ARHGAP23: variants seen among roughly 807,000 people sequenced by gnomAD.
ARHGAP23 encodes the protein rho GTPase-activating protein 23.
In ARHGAP23, 34 loss-of-function variants were observed where a neutral mutation model predicts 136.3. That is an observed-to-expected ratio of 0.25 (90% CI 0.19 to 0.33). The LOEUF (loss-of-function observed/expected upper bound fraction) is 0.33, where lower values mean the gene tolerates loss of function less well. Ranked by LOEUF, ARHGAP23 falls within the 10% of genes least tolerant of loss-of-function variation. ARHGAP23 has a pLI of 1.00. For missense variants in ARHGAP23, 1,808 were observed against 2,139.0 expected, an observed-to-expected ratio of 0.85 and a Z score of 3.05; for synonymous variants, 832 against 920.5, an observed-to-expected ratio of 0.90 and a Z score of 1.74.
chr17:38,462,794 TG>T, intron 3 of ARHGAP23, 51 bp from the exon 4 acceptor site: 1 of 1,308,300 alleles, frequency 7.6e-7, no homozygotes, highest in Non-Finnish European at 1.0e-6. Flanking sequence ...TAGCTGTGCA[TG>T]GGTGTGACCT....
At position 38,505,199 on chromosome 17, in the gene ARHGAP23, G is replaced by A. The variant is rs1314822741; in HGVS notation, c.3447+4571G>A. On this transcript the variant is annotated intron_variant, in intron 23 of 23. Transcript: ENST00000622683. The stretch of plus-strand genomic sequence containing the variant: ...TTTTTGTATTATTTTGTAGAAATGG[G>A]GTCTTGCTTCTTTGCGTAGGCTGTT... 2.0e-5 allele frequency among the ~76,000 whole-genome samples: 3 copies of A among 151,230 alleles called. No individual in the cohort carries two copies. The Admixed American group carries it at 2.0e-4, about 10-fold the overall frequency.
At position 38,488,939 on chromosome 17, in the gene ARHGAP23, G is replaced by A. The variant is rs192162962; in HGVS notation, c.2987-1163G>A. Among the ~76,000 whole-genome samples, 32 of 151,246 alleles carry A rather than the reference G, an allele frequency of 2.1e-4. 1 individual carries two copies. The highest frequency in any genetic ancestry group is 4.2e-4 in the South Asian group (2 of 4,774). On this transcript the variant is annotated intron_variant, in intron 17 of 23. Transcript: ENST00000622683. Reference sequence around the variant, plus strand: ...CATCCAGGCTGGAGTGCAGTGTTACGATCTCGGCTCACTGCAACCTCCGCC... The same window carrying A: ...CATCCAGGCTGGAGTGCAGTGTTACAATCTCGGCTCACTGCAACCTCCGCC...
chr17:38,482,131 C>T lies in ARHGAP23; in HGVS notation c.2739C>T (p.Ala913=). ...TCAGGCTGGAGGAGTGCCAGCCAGC[C>T]ACGGAGAACCAGGTGAGTCTCTGCC... ...FGVRLEECQP[A]TENQRVPLIV... Residue 913 remains alanine, a synonymous_variant, in exon 15 of 24, where the codon GCC becomes GCT. Coordinates refer to ENST00000622683, the MANE Select transcript of ARHGAP23 (RefSeq NM_001199417.2). 6.5e-7 allele frequency: 1 copy of T among 1,548,232 alleles called. No homozygotes were observed. The highest frequency in any genetic ancestry group is 8.7e-7 in the Non-Finnish European group (1 of 1,146,182).
chr17:38,423,177 T>G (rs774202560), intron 1 of ARHGAP23, among the ~76,000 whole-genome samples: 1 of 152,038 alleles, frequency 6.6e-6, no homozygotes, highest in Admixed American at 6.6e-5. Context: ...GCAGTTTGCA[T>G]GTACTAGGTG....
At chr17:38,492,483 A>C (rs1467748479) in intron 20 of ARHGAP23, among the ~76,000 whole-genome samples, 1 of 152,184 alleles carries the variant, frequency 6.6e-6, no homozygotes, top group African/African-American at 2.4e-5. Flanking sequence ...CAACTTGCTC[A>C]TGGTCACACA....
chr17:38,426,576 A>G (rs996751522), upstream of ARHGAP23, among the ~76,000 whole-genome samples: 2 of 145,190 alleles, frequency 1.4e-5, no homozygotes, highest in Non-Finnish European at 3.0e-5. Context: ...AAAAAAATCC[A>G]GGCAGTATGA....
In ARHGAP23 at chr17:38,464,572, T is replaced by A. The variant is rs527684530; in HGVS notation, c.483+1190T>A. ...ACCTCGATTGTCCCCTTGCTCTTCC[T>A]GGGGAGAGGGAGGAAGGAGGGGGGG... On this transcript the variant is annotated intron_variant, in intron 6 of 23. Transcript: ENST00000622683. 2.0e-5 allele frequency among the ~76,000 whole-genome samples: 3 copies of A among 152,276 alleles called. No homozygotes were observed. The East Asian group carries it at 5.8e-4, about 29-fold the overall frequency.
rs199766741 is a variant in ARHGAP23, at chr17:38,466,942, G to A, written c.1259G>A (p.Arg420Gln). 1,976 of 1,550,484 alleles carry A rather than the reference G, an allele frequency of 1.3e-3. 3 individuals are homozygous for A. The highest frequency in any genetic ancestry group is 4.2e-3 in the Middle Eastern group (25 of 5,992). Residue 420 changes from arginine to glutamine, a missense_variant, in exon 7 of 24, where the codon CGG becomes CAG. Coordinates refer to ENST00000622683, the MANE Select transcript of ARHGAP23 (RefSeq NM_001199417.2). ...GLDDLGYIGY[R>Q]SYSPSFQRRT... ...GATGACCTCGGGTACATCGGCTACC[G>A]GAGCTACAGCCCATCATTCCAGCGC...
chr17:38,510,858 G>A lies in ARHGAP23; in HGVS notation c.4362G>A (p.Lys1454=), dbSNP rs1363672042. 8 of 1,503,780 alleles carry A rather than the reference G, an allele frequency of 5.3e-6. No homozygotes were observed. Among genetic ancestry groups the A allele is most frequent in the Non-Finnish European group, 6.2e-6 (7 of 1,132,996 alleles). 93.2% of individuals were successfully genotyped at this position (1,503,780 alleles called of 1,614,324 possible). ...GACTCAGCAGCCTGGAGTCCACCAA[G>A]GCGCGGGCCCCGTCGTCCGCTGCCT... The part of the protein sequence containing the change: ...DSGLSSLEST[K]ARAPSSAASQ... Residue 1454 remains lysine, a synonymous_variant, in exon 24 of 24, where the codon AAG becomes AAA. Coordinates refer to ENST00000622683, the MANE Select transcript of ARHGAP23 (RefSeq NM_001199417.2). The surrounding 1 kb of genome is among the most constrained non-coding windows in gnomAD (Gnocchi z 4.6).
chr17:38,469,138 G>T lies in ARHGAP23; in HGVS notation c.1649-6G>T. 2 of 1,547,240 alleles carry T rather than the reference G, an allele frequency of 1.3e-6. No homozygotes were observed. The highest frequency in any genetic ancestry group is 1.2e-5 in the South Asian group (1 of 83,414). ...CCTTCACACCTTTCTCCTTCCACAT[G>T]CATAGATGAGCCCACCAGCCCCAGC... is the stretch of plus-strand genomic sequence containing the variant. On this transcript the variant is annotated splice_polypyrimidine_tract_variant and splice_region_variant and intron_variant, in intron 7 of 23. Coordinates refer to ENST00000622683, the MANE Select transcript of ARHGAP23 (RefSeq NM_001199417.2).
In ARHGAP23 at chr17:38,467,086, T is replaced by C; in HGVS notation, c.1403T>C (p.Val468Ala). Residue 468 changes from valine (V) to alanine (A), a missense_variant, in exon 7 of 24, where the codon GTT (valine) becomes GCT (alanine). Coordinates refer to ENST00000622683, the MANE Select transcript of ARHGAP23 (RefSeq NM_001199417.2). Reference protein sequence around the residue: ...FPPEASEPPRVVRPEPSTRAL... With the variant: ...FPPEASEPPRAVRPEPSTRAL... ...CCAGAGGCCTCCGAGCCACCCAGGG[T>C]TGTACGGCCGGAACCCAGCACCCGG... The C allele has an allele frequency of 1.3e-6, 2 of 1,550,816 alleles. No individual in the cohort carries two copies. The highest frequency in any genetic ancestry group is 1.7e-6 in the Non-Finnish European group (2 of 1,146,914).
chr17:38,468,805 G>C (rs996296789), intron 7 of ARHGAP23, among the ~76,000 whole-genome samples: 1 of 152,142 alleles, frequency 6.6e-6, no homozygotes, highest in Non-Finnish European at 1.5e-5. Context: ...GGTCTGAGAG[G>C]GGAGACATAA....
In ARHGAP23 at chr17:38,482,512, T is replaced by C. The variant is rs2040068934; in HGVS notation, c.2752-11T>C. 4 of 1,534,554 alleles carry C rather than the reference T, an allele frequency of 2.6e-6. No individual in the cohort carries two copies. Among genetic ancestry groups the C allele is most frequent in the African/African-American group, 1.4e-5 (1 of 72,886 alleles). Reference sequence around the variant, plus strand: ...CCTGTCCCCCCTAACACCCCTCCCATGTGTCCCCAGCGCGTCCCCTTAATC... The same window carrying C: ...CCTGTCCCCCCTAACACCCCTCCCACGTGTCCCCAGCGCGTCCCCTTAATC... On this transcript the variant is annotated splice_polypyrimidine_tract_variant and intron_variant, in intron 15 of 23. Transcript: ENST00000622683.
intron 10 of ARHGAP23, among the ~76,000 whole-genome samples, chr17:38,470,465 G>A (rs2039724420): frequency 6.6e-6 from 1 of 152,240 alleles, no homozygotes; most frequent in South Asian, 2.1e-4. Context: ...GGGACACAGG[G>A]TTGAGACTGG....
chr17:38,429,060 G>A (rs1037196994), intron 1 of ARHGAP23, among the ~76,000 whole-genome samples: 4 of 152,220 alleles, frequency 2.6e-5, no homozygotes, highest in Admixed American at 6.5e-5. Context: ...CCCCTGCCGG[G>A]TCGGACTGCG....
At chr17:38,480,669 T>C (rs1372574360) in intron 14 of ARHGAP23, among the ~76,000 whole-genome samples, 1 of 149,856 alleles carries the variant, frequency 6.7e-6, no homozygotes, top group Non-Finnish European at 1.5e-5. Context: ...CCGGGCGTGG[T>C]GGTGTGCGCC....
In ARHGAP23 at chr17:38,463,377, C is replaced by G. The variant is rs1364219549; in HGVS notation, c.478C>G (p.Gln160Glu). ...SIMPKDEDIL[Q>E]LAYSQDAYLK... is the part of the protein sequence containing the mutation. ...CATGCCCAAGGACGAGGACATCCTC[C>G]AGCTGGTGAGTCCAGCCCCTGTGGC... Residue 160 changes from glutamine to glutamate, a missense_variant, in exon 6 of 24, where the codon CAG (glutamine) becomes GAG (glutamate). By Grantham distance (29) the Gln-to-Glu change is conservative. Around this residue, in one of 7 missense-constraint regions of ARHGAP23, gnomAD observed 859 missense variants for 936.4 expected, o/e 0.92. Coordinates refer to ENST00000622683, the MANE Select transcript of ARHGAP23 (RefSeq NM_001199417.2). The G allele has an allele frequency of 1.3e-6, 2 of 1,551,694 alleles. No homozygotes were observed. Among genetic ancestry groups the G allele is most frequent in the East Asian group, 4.9e-5 (2 of 40,904 alleles).
chr17:38,453,768 C>T (rs1235273583), intron 1 of ARHGAP23: 1 of 145,794 alleles, frequency 6.9e-6, no homozygotes, highest in Non-Finnish European at 1.5e-5. Flanking sequence ...TCCGTCCCTT[C>T]GGGGCCCCCG....
chr17:38,467,825 C>T (rs1165080119), intron 7 of ARHGAP23, among the ~76,000 whole-genome samples: 2 of 152,176 alleles, frequency 1.3e-5, no homozygotes, highest in Non-Finnish European at 2.9e-5. Context: ...TTCCATTCTC[C>T]CATTCTTCCT....
Sources: gnomAD v4.1 joint callset for allele counts (sites outside exome capture counted in the v4.1 genomes callset) on GRCh38, gnomAD v4.1.1 for gene constraint, gnomAD v4.1.1 regional missense constraint, Gnocchi (gnomAD v3.1) non-coding constraint, MANE v1.5 for transcripts, NCBI Gene and HGNC (gene_info 2026-07-23, HGNC 2026-07-21) for gene names.